The following RAB31 variants were observed in gnomAD, a reference collection of about 807,000 sequenced individuals.
RAB31 encodes ras-related protein Rab-31.
Under a neutral mutation model 25.6 loss-of-function variants are expected in RAB31, and 21 were observed. That is an observed-to-expected ratio of 0.82 (90% confidence interval 0.58 to 1.18). The LOEUF is 1.18. RAB31 is among the 50% of genes most tolerant of loss of function. The probability of loss-of-function intolerance (pLI) is 0.00; values close to 1 mark genes in which losing one functional copy is unlikely to be tolerated. For synonymous variants in RAB31, 87 were observed against 84.0 expected (o/e 1.04, Z -0.20); for missense variants, 196 against 250.1 (o/e 0.78, Z 1.46).
chr18:9,726,381 C>G (rs1177960087), intron 1 of RAB31, among the ~76,000 whole-genome samples: 1 of 152,136 alleles, frequency 6.6e-6, no homozygotes, highest in Non-Finnish European at 1.5e-5. Flanking sequence ...GCAGATGAGC[C>G]CTGGCAGCAG....
chr18:9,765,442 A>C, intron 1 of RAB31, among the ~76,000 whole-genome samples: 1 of 152,332 alleles, frequency 6.6e-6, no homozygotes, highest in East Asian at 1.9e-4. Flanking sequence ...AAGGAATCTT[A>C]TAGAATGGGT....
chr18:9,811,237 C>T (rs1360905869), intron 3 of RAB31, among the ~76,000 whole-genome samples: 4 of 152,210 alleles, frequency 2.6e-5, no homozygotes, highest in African/African-American at 9.6e-5. Flanking sequence ...GTCCAACCTT[C>T]TCCCTTTTCT....
intron 1 of RAB31, among the ~76,000 whole-genome samples, chr18:9,770,329 G>T (rs139726120): frequency 1.3e-5 from 2 of 152,188 alleles, no homozygotes; most frequent in East Asian, 3.8e-4. Context: ...CTTGAAGGCC[G>T]TTGCAGGAGT....
intron 2 of RAB31, among the ~76,000 whole-genome samples, chr18:9,781,588 C>T (rs1380054340): frequency 3.3e-5 from 5 of 152,244 alleles, no homozygotes; most frequent in Non-Finnish European, 7.3e-5. Context: ...AGTTTACAGG[C>T]GTGAGCCACC....
chr18:9,731,539 T>C (rs952859582), intron 1 of RAB31, among the ~76,000 whole-genome samples: 3 of 151,394 alleles, frequency 2.0e-5, no homozygotes, highest in African/African-American at 7.3e-5. Flanking sequence ...TCTGAGTGGA[T>C]CTCACAAGGT....
At chr18:9,737,995 A>G (rs1235712192) in intron 1 of RAB31, among the ~76,000 whole-genome samples, 3 of 152,156 alleles carry the variant, frequency 2.0e-5, no homozygotes, top group Non-Finnish European at 4.4e-5. Context: ...GCCGGCCGGC[A>G]TTTAAATGAT....
chr18:9,723,052 A>C (rs1026828551), intron 1 of RAB31, among the ~76,000 whole-genome samples: 5 of 152,162 alleles, frequency 3.3e-5, no homozygotes, highest in African/African-American at 4.8e-5. Context: ...TGTTCATAAA[A>C]GCATTTTTTT....
At chr18:9,780,206 TA>T (rs796138639) in intron 2 of RAB31, among the ~76,000 whole-genome samples, 3 of 151,206 alleles carry the variant, frequency 2.0e-5, no homozygotes, top group South Asian at 2.1e-4. Flanking sequence ...ATGTTCACTC[TA>T]AAAAAAACCC....
intron 5 of RAB31, among the ~76,000 whole-genome samples, chr18:9,839,273 A>G (rs955785461): frequency 1.6e-4 from 25 of 152,180 alleles, no homozygotes; most frequent in African/African-American, 5.8e-4. Flanking sequence ...AAGTTCCATC[A>G]CCAGCAGCTG....
At position 9,766,307 on chromosome 18, in the gene RAB31, A is replaced by G. The variant is rs2068315711; in HGVS notation, c.40-8971A>G. Among the ~76,000 whole-genome samples the G allele has an allele frequency of 1.3e-5, 2 of 152,152 alleles. No individual in the cohort carries two copies. Among genetic ancestry groups the G allele is most frequent in the Admixed American group, 6.5e-5 (1 of 15,284 alleles). On this transcript the variant is annotated intron_variant, in intron 1 of 6. Transcript: ENST00000578921. The surrounding 1 kb of genome is among the most constrained non-coding windows in gnomAD (Gnocchi z 4.3). Reference sequence around the variant, plus strand: ...CCTTCCTGCGTGACCTCATCTCTGCATCTGCGAGCTCCATCTGCCCCCGGA... The same window carrying G: ...CCTTCCTGCGTGACCTCATCTCTGCGTCTGCGAGCTCCATCTGCCCCCGGA...
chr18:9,811,954 C>T (rs767395466), intron 3 of RAB31, among the ~76,000 whole-genome samples: 12 of 152,176 alleles, frequency 7.9e-5, no homozygotes, highest in Admixed American at 2.0e-4. Flanking sequence ...AAACAACACA[C>T]GTTGATTTCT....
chr18:9,755,671 G>A (rs2068257119), intron 1 of RAB31, among the ~76,000 whole-genome samples: 1 of 150,646 alleles, frequency 6.6e-6, no homozygotes, highest in Non-Finnish European at 1.5e-5. Context: ...CATGGCAGCA[G>A]TACATGGATT....
intron 3 of RAB31, among the ~76,000 whole-genome samples, chr18:9,799,946 G>A (rs1249928078): frequency 2.6e-5 from 4 of 152,278 alleles, no homozygotes; most frequent in Middle Eastern, 3.4e-3. Context: ...CCTTTGGGAA[G>A]TTTTTATCCT....
chr18:9,822,649 A>T (rs1003844842), intron 5 of RAB31, among the ~76,000 whole-genome samples: 5 of 152,224 alleles, frequency 3.3e-5, no homozygotes, highest in Admixed American at 6.5e-5. Flanking sequence ...CAAAAGACAT[A>T]AACAGACATT....
chr18:9,783,547 A>G (rs1181221404), intron 2 of RAB31, among the ~76,000 whole-genome samples: 1 of 145,118 alleles, frequency 6.9e-6, no homozygotes, highest in African/African-American at 2.5e-5. Context: ...TGAAAATCTG[A>G]CTAACATCAA....
At chr18:9,738,904 A>T (rs553946402) in intron 1 of RAB31, among the ~76,000 whole-genome samples, 2 of 152,348 alleles carry the variant, frequency 1.3e-5, no homozygotes, top group African/African-American at 4.8e-5. Context: ...GAGTTGAACT[A>T]GAGAACACTC....
intron 1 of RAB31, among the ~76,000 whole-genome samples, chr18:9,750,087 A>G (rs1380036340): frequency 1.3e-5 from 2 of 152,196 alleles, no homozygotes; most frequent in East Asian, 3.8e-4. Flanking sequence ...CGAAAGGTAC[A>G]GGGTGAGTCT....
At chr18:9,752,969 T>C (rs996002242) in intron 1 of RAB31, among the ~76,000 whole-genome samples, 5 of 152,224 alleles carry the variant, frequency 3.3e-5, no homozygotes, top group Admixed American at 2.6e-4. Flanking sequence ...TTAAAGAGAT[T>C]TATATCCATA....
intron 2 of RAB31, among the ~76,000 whole-genome samples, chr18:9,782,680 A>AAAGATGCCTG (rs2068411299): frequency 6.6e-6 from 1 of 152,126 alleles, no homozygotes. Context: ...ACACAGAAGA[A>AAAGATGCCTG]AAGATGCCTG....
Sources: allele counts gnomAD v4.1 joint callset (sites outside exome capture counted in the v4.1 genomes callset), GRCh38; gene constraint gnomAD v4.1.1; non-coding constraint Gnocchi (gnomAD v3.1); transcripts MANE v1.5; gene names NCBI Gene and HGNC (gene_info 2026-07-23, HGNC 2026-07-21).